ZNF567: variants seen among roughly 807,000 people sequenced by gnomAD.
The protein encoded by ZNF567 is zinc finger protein 567.
Under a neutral mutation model 53.9 loss-of-function variants are expected in ZNF567, and 36 were observed. The observed-to-expected ratio is 0.67, with a 90% CI of 0.51 to 0.88. ZNF567 has a LOEUF of 0.88. ZNF567 is among the 40% of genes least tolerant of loss of function. The probability of loss-of-function intolerance (pLI) is 0.00; values close to 1 mark genes in which losing one functional copy is unlikely to be tolerated. For missense variants in ZNF567, 619 were observed against 764.7 expected (o/e 0.81, Z 2.25); for synonymous variants, 224 against 260.4 (o/e 0.86, Z 1.35).
At chr19:36,667,351 A>C in the ZNF567 span, among the ~76,000 whole-genome samples, 1 of 151,646 alleles carries the variant, frequency 6.6e-6, no homozygotes, top group Non-Finnish European at 1.5e-5. Flanking sequence ...AAAAATACAA[A>C]ATTAGCCGGG....
the ZNF567 span, among the ~76,000 whole-genome samples, chr19:36,676,408 G>A: frequency 1.3e-5 from 2 of 150,774 alleles, no homozygotes; most frequent in Non-Finnish European, 2.9e-5. Context: ...AGTTCGTTCT[G>A]AGGAAGTTCT....
At chr19:36,695,262 C>G (rs1486724945) in intron 3 of ZNF567, among the ~76,000 whole-genome samples, 2 of 150,634 alleles carry the variant, frequency 1.3e-5, no homozygotes, top group South Asian at 2.1e-4. Flanking sequence ...GGCGCGGTGG[C>G]TCACGCCTGT....
chr19:36,720,519 C>T lies in ZNF567; in HGVS notation c.1795C>T (p.Arg599Cys), dbSNP rs747331321. The change falls in exon 6 of 6, where the codon CGC becomes TGC. Residue 599 changes from arginine to cysteine, a missense_variant. Coordinates refer to ENST00000682579, the MANE Select transcript of ZNF567 (RefSeq NM_001322917.1). ...ATGTAGTGAATGTGGAAAGTGCTTCCGCCAGAAGACAAATCTTATTGTACA... is the reference window on the plus strand; with the variant it reads ...ATGTAGTGAATGTGGAAAGTGCTTCTGCCAGAAGACAAATCTTATTGTACA... Reference protein sequence around the residue: ...YKCSECGKCFRQKTNLIVHQR... With the variant: ...YKCSECGKCFCQKTNLIVHQR... 7.4e-6 allele frequency: 12 copies of T among 1,612,834 alleles called. No individual in the cohort carries two copies. Among genetic ancestry groups the T allele is most frequent in the South Asian group, 4.4e-5 (4 of 90,988 alleles).
At chr19:36,712,274 A>G in intron 3 of ZNF567, 112 bp from the exon 4 acceptor site, 1 of 1,137,190 alleles carries the variant, frequency 8.8e-7, no homozygotes, top group South Asian at 1.6e-5. Context: ...TTTTTAACTC[A>G]TGACCTCAAG....
At chr19:36,723,862 CATT>C (rs1409418346), downstream of ZNF567, among the ~76,000 whole-genome samples, 1 of 151,962 alleles carries the variant, frequency 6.6e-6, no homozygotes, top group African/African-American at 2.4e-5. Context: ...TGAATATAAT[CATT>C]ATTATTTGTA....
chr19:36,715,124 A>C (rs1421257033), intron 5 of ZNF567, among the ~76,000 whole-genome samples: 1 of 151,902 alleles, frequency 6.6e-6, no homozygotes, highest in African/African-American at 2.4e-5. Flanking sequence ...AAAATCACTG[A>C]CTTTCTCAGC....
At chr19:36,669,331 A>G in the ZNF567 span, 1 of 152,168 alleles carries the variant, frequency 6.6e-6, no homozygotes, top group African/African-American at 2.4e-5. Flanking sequence ...TTAAAGGATT[A>G]TGATTGAGTT....
At chr19:36,704,064 G>T (rs2039361454) in intron 3 of ZNF567, among the ~76,000 whole-genome samples, 1 of 152,182 alleles carries the variant, frequency 6.6e-6, no homozygotes. Context: ...TTCCTATTTG[G>T]CCTGGAATTT....
intron 2 of ZNF567, among the ~76,000 whole-genome samples, chr19:36,690,521 G>A (rs921173039): frequency 6.6e-6 from 1 of 152,062 alleles, no homozygotes. Context: ...GCCCAGGGAG[G>A]TCGAGGCTGC....
At chr19:36,689,862 A>G (rs539565295) in intron 2 of ZNF567, among the ~76,000 whole-genome samples, 22 of 152,250 alleles carry the variant, frequency 1.4e-4, no homozygotes, top group African/African-American at 4.1e-4. Context: ...AAAAGGGAGA[A>G]TCACTCACGT....
intron 3 of ZNF567, among the ~76,000 whole-genome samples, chr19:36,698,495 G>C (rs372849763): frequency 6.7e-6 from 1 of 148,946 alleles, no homozygotes; most frequent in Non-Finnish European, 1.5e-5. Context: ...CTGAGGAATC[G>C]CCACACTGAC....
chr19:36,694,811 C>G lies in ZNF567; in HGVS notation c.-57C>G. On this transcript the variant is annotated 5_prime_UTR_variant, in exon 3 of 6. Coordinates refer to ENST00000682579, the MANE Select transcript of ZNF567 (RefSeq NM_001322917.1). ...GGCTTTGCCTCCTTAGGAACTGCCT[C>G]TTTTCTAAAGAGGACTCCAAAGGAA... 1 of 1,497,534 alleles carries G rather than the reference C, an allele frequency of 6.7e-7. No individual in the cohort carries two copies. Among genetic ancestry groups the G allele is most frequent in the South Asian group, 1.3e-5 (1 of 77,356 alleles). 92.8% of individuals were successfully genotyped at this position (1,497,534 alleles called of 1,614,324 possible).
At chr19:36,716,720 A>G (rs2040081782) in intron 5 of ZNF567, among the ~76,000 whole-genome samples, 1 of 152,234 alleles carries the variant, frequency 6.6e-6, no homozygotes, top group African/African-American at 2.4e-5. Context: ...AGCATATACT[A>G]GCAAGTTCCT....
chr19:36,722,477 T>G (rs551039035), downstream of ZNF567, among the ~76,000 whole-genome samples: 5 of 152,248 alleles, frequency 3.3e-5, no homozygotes, highest in South Asian at 1.0e-3. Context: ...AATTTTTGTA[T>G]TTTTAGTAGA....
the ZNF567 span, among the ~76,000 whole-genome samples, chr19:36,679,325 T>TA: frequency 2.3e-3 from 344 of 152,260 alleles, 2 homozygotes; most frequent in Non-Finnish European, 3.5e-3. Context: ...GTGCACCTGT[T>TA]AGACACCTGC....
intron 2 of ZNF567, 127 bp from the exon 3 acceptor site, chr19:36,694,675 A>T: frequency 2.0e-6 from 1 of 511,966 alleles, no homozygotes; most frequent in Non-Finnish European, 3.4e-6. Flanking sequence ...ATCTATATTT[A>T]TGTGGCATGT....
At chr19:36,715,178 T>C (rs2039980039) in intron 5 of ZNF567, among the ~76,000 whole-genome samples, 1 of 152,032 alleles carries the variant, frequency 6.6e-6, no homozygotes, top group Admixed American at 6.6e-5. Context: ...TTATTATTTT[T>C]GAGATGGAGT....
rs775148725 is a variant in ZNF567, at chr19:36,712,495, G to T, written c.119G>T (p.Cys40Phe). The T allele has an allele frequency of 6.2e-7, 1 of 1,614,056 alleles. No homozygotes were observed. Among genetic ancestry groups the T allele is most frequent in the Non-Finnish European group, 8.5e-7 (1 of 1,179,996 alleles). Residue 40 changes from cysteine to phenylalanine, a missense_variant, in exon 4 of 6, where the codon TGC (cysteine) becomes TTC (phenylalanine). Cys to Phe is a radical substitution (Grantham distance 205). Transcript: ENST00000682579. ...LYMDVMLENY[C>F]HLISVGCHMT... ...ATGGATGTGATGTTGGAAAACTATT[G>T]CCACCTCATCTCTGTGGGTAAGAAA...
chr19:36,717,774 T>C (rs959289360), intron 5 of ZNF567, among the ~76,000 whole-genome samples: 1 of 152,192 alleles, frequency 6.6e-6, no homozygotes, highest in Non-Finnish European at 1.5e-5. Context: ...TAGGACCAGA[T>C]TGTTCAATCT....
Sources: gnomAD v4.1 joint callset for allele counts (sites outside exome capture counted in the v4.1 genomes callset) on GRCh38, gnomAD v4.1.1 for gene constraint, MANE v1.5 for transcripts, NCBI Gene and HGNC (gene_info 2026-07-23, HGNC 2026-07-21) for gene names.